The following TMEM132D variants were observed in gnomAD, a reference collection of about 807,000 sequenced individuals.
The protein encoded by TMEM132D is transmembrane protein 132D.
TMEM132D carries 21 observed loss-of-function variants against 62.3 expected under a neutral mutation model. The observed-to-expected ratio is 0.34, with a 90% CI of 0.24 to 0.49. The LOEUF (loss-of-function observed/expected upper bound fraction) is 0.49. TMEM132D is among the 20% of genes least tolerant of loss of function. The pLI is 0.99. For synonymous variants in TMEM132D, 621 were observed against 575.6 expected, an observed-to-expected ratio of 1.08 and a Z score of -1.13; for missense variants, 1,346 against 1,402.8, an observed-to-expected ratio of 0.96 and a Z score of 0.65.
chr12:129,757,300 G>T (rs1870199771), intron 1 of TMEM132D, among the ~76,000 whole-genome samples: 1 of 152,112 alleles, frequency 6.6e-6, no homozygotes, highest in Admixed American at 6.5e-5. Context: ...TGCTATTAAA[G>T]AATAACCCAT....
intron 4 of TMEM132D, among the ~76,000 whole-genome samples, chr12:129,223,609 G>T (rs1879405953): frequency 6.6e-6 from 1 of 152,160 alleles, no homozygotes; most frequent in Non-Finnish European, 1.5e-5. Context: ...GGATACTATG[G>T]TTTGCTGGTT....
chr12:129,884,633 T>A (rs1008440040), intron 1 of TMEM132D, among the ~76,000 whole-genome samples: 1 of 152,248 alleles, frequency 6.6e-6, no homozygotes, highest in African/African-American at 2.4e-5. Flanking sequence ...TTGGCAAGAA[T>A]GTGGAACAGC....
rs755151262 is a variant in TMEM132D, at chr12:129,074,617, C to T, written c.2558G>A (p.Arg853Gln). The T allele has an allele frequency of 8.7e-6, 14 of 1,613,900 alleles. No individual in the cohort carries two copies. The highest frequency in any genetic ancestry group is 5.3e-5 in the African/African-American group (4 of 74,878). ...GATGGACCTGTCTGTCGTGGTGCCC[C>T]GTCCCTCCATGAGTCCCATAGAAGA... is the stretch of plus-strand genomic sequence containing the variant. ...GSSSMGLMEG[R>Q]GTTTDRSILQ... is the part of the protein sequence containing the mutation. The change falls in exon 9 of 9, where the codon CGG becomes CAG. Residue 853 changes from arginine to glutamine, a missense_variant. By Grantham distance (43) the Arg-to-Gln change is conservative. Coordinates refer to ENST00000422113, the MANE Select transcript of TMEM132D (RefSeq NM_133448.3).
chr12:129,450,288 T>A (rs1015302588), intron 3 of TMEM132D, among the ~76,000 whole-genome samples: 1 of 152,210 alleles, frequency 6.6e-6, no homozygotes, highest in Non-Finnish European at 1.5e-5. Flanking sequence ...TGTGCCTGTG[T>A]CCTGAATGGT....
intron 2 of TMEM132D, among the ~76,000 whole-genome samples, chr12:129,662,812 A>AAAAAAAAAGAG: frequency 2.4e-4 from 20 of 83,402 alleles, no homozygotes; most frequent in East Asian, 3.2e-4. Context: ...AAAAAAAAAA[A>AAAAAAAAAGAG]AGAGAGAGAG....
intron 4 of TMEM132D, among the ~76,000 whole-genome samples, chr12:129,245,965 C>T (rs765656616): frequency 1.6e-4 from 25 of 152,142 alleles, no homozygotes; most frequent in Non-Finnish European, 2.9e-4. Context: ...TCTGGCATGA[C>T]GTCATCTGTC....
chr12:129,411,905 G>A (rs556067992), intron 3 of TMEM132D, among the ~76,000 whole-genome samples: 9 of 152,022 alleles, frequency 5.9e-5, no homozygotes, highest in Middle Eastern at 6.8e-3. Context: ...TTCCTATATT[G>A]CATATGGTAC....
In TMEM132D at chr12:129,448,289, G is replaced by A. The variant is rs566471530; in HGVS notation, c.1115+82770C>T. On this transcript the variant is annotated intron_variant, in intron 3 of 8. Transcript: ENST00000422113. ...CGTTACACAGGTAAACTCATGTCAC[G>A]GGGAGTTGTTGTGCAGATTATTTCA... Among the ~76,000 whole-genome samples the A allele has an allele frequency of 2.6e-5, 4 of 152,202 alleles. 1 individual carries two copies. The highest frequency in any genetic ancestry group is 4.2e-4 in the South Asian group (2 of 4,814).
intron 5 of TMEM132D, among the ~76,000 whole-genome samples, chr12:129,089,454 CTATGA>C (rs1874822555): frequency 5.1e-5 from 2 of 39,258 alleles, no homozygotes; most frequent in African/African-American, 2.4e-4. Context: ...GGGGTGTCCT[CTATGA>C]CCGGGTGTCC....
chr12:129,819,057 A>T (rs1270261067), intron 1 of TMEM132D, among the ~76,000 whole-genome samples: 1 of 152,102 alleles, frequency 6.6e-6, no homozygotes, highest in African/African-American at 2.4e-5. Flanking sequence ...ACAAGAAAAA[A>T]AAATGTCCCA....
chr12:129,313,517 G>A (rs1016458264), intron 4 of TMEM132D, among the ~76,000 whole-genome samples: 23 of 151,806 alleles, frequency 1.5e-4, no homozygotes, highest in African/African-American at 5.3e-4. Flanking sequence ...TTATGGCTGT[G>A]TAGTATTCCA....
chr12:129,243,779 T>A (rs1323960558), intron 4 of TMEM132D, among the ~76,000 whole-genome samples: 2 of 152,218 alleles, frequency 1.3e-5, no homozygotes, highest in African/African-American at 4.8e-5. Context: ...ATATAAAACG[T>A]CAATATCAAA....
intron 2 of TMEM132D, among the ~76,000 whole-genome samples, chr12:129,692,871 T>A (rs1034459860): frequency 1.3e-5 from 2 of 151,706 alleles, no homozygotes; most frequent in African/African-American, 4.8e-5. Context: ...GGGGAGAGCA[T>A]TAAGAAAAAG....
chr12:129,868,196 AT>A (rs1874121720), intron 1 of TMEM132D, among the ~76,000 whole-genome samples: 1 of 151,960 alleles, frequency 6.6e-6, no homozygotes. Context: ...CAGCATTTGT[AT>A]GGTACACACA....
chr12:129,798,595 T>C (rs1565989212), intron 1 of TMEM132D, among the ~76,000 whole-genome samples: 1 of 152,108 alleles, frequency 6.6e-6, no homozygotes. Context: ...CTGTGCCCAT[T>C]AGGAGATGAA....
intron 3 of TMEM132D, among the ~76,000 whole-genome samples, chr12:129,454,137 C>T (rs1041576252): frequency 6.6e-6 from 1 of 152,126 alleles, no homozygotes; most frequent in African/African-American, 2.4e-5. Flanking sequence ...CTTTTGTGTC[C>T]CATTGAACTT....
At chr12:129,420,306 G>GTTTTTTTTTTTTTTTTTTTTTTTTT (rs71082709) in intron 3 of TMEM132D, among the ~76,000 whole-genome samples, 3 of 112,300 alleles carry the variant, frequency 2.7e-5, no homozygotes, top group African/African-American at 4.0e-5. Context: ...CACGTTCTCT[G>GTTTTTTTTTTTTTTTTTTTTTTTTT]TTTTTTTTTT....
At chr12:129,742,466 C>T (rs1048112724) in intron 1 of TMEM132D, among the ~76,000 whole-genome samples, 2 of 152,174 alleles carry the variant, frequency 1.3e-5, no homozygotes, top group African/African-American at 4.8e-5. Flanking sequence ...CATGAGGGAT[C>T]CACCTCCATG....
chr12:129,786,131 C>T (rs146065154), intron 1 of TMEM132D, among the ~76,000 whole-genome samples: 4 of 152,130 alleles, frequency 2.6e-5, no homozygotes, highest in African/African-American at 9.7e-5. Context: ...TGGGCTATGT[C>T]CACCACTCCC....
Sources: gnomAD v4.1 joint callset for allele counts (sites outside exome capture counted in the v4.1 genomes callset) on GRCh38, gnomAD v4.1.1 for gene constraint, MANE v1.5 for transcripts, NCBI Gene and HGNC (gene_info 2026-07-23, HGNC 2026-07-21) for gene names.